The following TMEM108 variants were observed in gnomAD, a reference collection of about 807,000 sequenced individuals.
The protein encoded by TMEM108 is transmembrane protein 108.
In TMEM108, 12 loss-of-function variants were observed where a neutral mutation model predicts 35.1. The ratio of observed to expected loss-of-function variants is 0.34; its 90% CI spans 0.22 to 0.55. The LOEUF (loss-of-function observed/expected upper bound fraction) is 0.55. TMEM108 is among the 20% of genes least tolerant of loss of function. The probability of loss-of-function intolerance (pLI) is 0.89; values close to 1 mark genes in which losing one functional copy is unlikely to be tolerated. For synonymous variants in TMEM108, 287 were observed against 308.6 expected, an observed-to-expected ratio of 0.93 and a Z score of 0.73; for missense variants, 680 against 753.3, an observed-to-expected ratio of 0.90 and a Z score of 1.14.
intron 3 of TMEM108, among the ~76,000 whole-genome samples, chr3:133,356,020 C>G (rs1189907630): frequency 6.6e-6 from 1 of 151,930 alleles, no homozygotes; most frequent in East Asian, 1.9e-4. Context: ...AATTGGAAAA[C>G]AGGAAATCAA....
intron 2 of TMEM108, among the ~76,000 whole-genome samples, chr3:133,157,351 A>G (rs903624095): frequency 1.3e-5 from 2 of 152,236 alleles, no homozygotes; most frequent in African/African-American, 4.8e-5. Flanking sequence ...GGTCAAGACA[A>G]AGTTTCTATG....
At chr3:133,312,186 G>A (rs1383104399) in intron 3 of TMEM108, among the ~76,000 whole-genome samples, 1 of 152,224 alleles carries the variant, frequency 6.6e-6, no homozygotes, top group Non-Finnish European at 1.5e-5. Context: ...CTACACAGGG[G>A]TCAGGGACCT....
At chr3:133,185,330 T>C (rs1452711858) in intron 2 of TMEM108, among the ~76,000 whole-genome samples, 3 of 152,082 alleles carry the variant, frequency 2.0e-5, no homozygotes, top group African/African-American at 7.2e-5. Flanking sequence ...GAAACAATTG[T>C]TTCCCCCATT....
intron 3 of TMEM108, among the ~76,000 whole-genome samples, chr3:133,258,105 T>C (rs1474373671): frequency 2.6e-5 from 4 of 152,104 alleles, no homozygotes; most frequent in Non-Finnish European, 4.4e-5. Context: ...GGGAGGTGAT[T>C]AGGTCATGAG....
intron 2 of TMEM108, among the ~76,000 whole-genome samples, chr3:133,191,546 A>G (rs1945497647): frequency 1.3e-5 from 2 of 152,158 alleles, no homozygotes; most frequent in African/African-American, 4.8e-5. Flanking sequence ...GCTCTGTTTA[A>G]TGTCATCTTC....
At chr3:133,192,986 A>C (rs1452594397) in intron 2 of TMEM108, among the ~76,000 whole-genome samples, 14 of 152,138 alleles carry the variant, frequency 9.2e-5, no homozygotes, top group Admixed American at 9.2e-4. Flanking sequence ...GAAAGGTAGA[A>C]AAATCCATGA....
chr3:133,111,726 A>C lies in TMEM108; in HGVS notation c.-47+65706A>C, dbSNP rs186804940. Among the ~76,000 whole-genome samples, 34 of 152,302 alleles carry C rather than the reference A, an allele frequency of 2.2e-4. No homozygotes were observed. In the East Asian group the frequency reaches 6.0e-3, roughly 27 times the overall value. On this transcript the variant is annotated intron_variant, in intron 2 of 5. Transcript: ENST00000321871. ...CCAACTGTAGTCAACACATACACAAACACATTATTTATCCACCCACAAGGT... is the reference window on the plus strand; with the variant it reads ...CCAACTGTAGTCAACACATACACAACCACATTATTTATCCACCCACAAGGT...
intron 2 of TMEM108, among the ~76,000 whole-genome samples, chr3:133,207,302 A>G (rs183923227): frequency 6.8e-6 from 1 of 147,262 alleles, no homozygotes; most frequent in Admixed American, 6.9e-5. Context: ...CTTGCCTTCC[A>G]TGGGCTGAAC....
chr3:133,233,097 A>G (rs1192786505), intron 3 of TMEM108, among the ~76,000 whole-genome samples: 1 of 150,154 alleles, frequency 6.7e-6, no homozygotes, highest in Non-Finnish European at 1.5e-5. Flanking sequence ...TGTGCAGGTT[A>G]GTTACATATG....
At chr3:133,204,514 T>G (rs1198719654) in intron 2 of TMEM108, among the ~76,000 whole-genome samples, 1 of 152,214 alleles carries the variant, frequency 6.6e-6, no homozygotes, top group Non-Finnish European at 1.5e-5. Flanking sequence ...TTGTTCTCAT[T>G]GGTTTCAAAG....
chr3:133,364,997 G>C (rs1443176668), intron 3 of TMEM108, among the ~76,000 whole-genome samples: 4 of 152,196 alleles, frequency 2.6e-5, no homozygotes, highest in African/African-American at 7.2e-5. Flanking sequence ...AAGCAAGGCA[G>C]CTCTTTTAAG....
chr3:133,218,021 T>A (rs1945934320), intron 2 of TMEM108, among the ~76,000 whole-genome samples: 1 of 152,070 alleles, frequency 6.6e-6, no homozygotes, highest in Admixed American at 6.6e-5. Context: ...AGTATGGACA[T>A]TTTAACATTA....
At chr3:133,251,813 T>G (rs1946476434) in intron 3 of TMEM108, among the ~76,000 whole-genome samples, 1 of 152,148 alleles carries the variant, frequency 6.6e-6, no homozygotes, top group Admixed American at 6.5e-5. Flanking sequence ...GAAATGTGAA[T>G]CTTGGATAGT....
Position 133,149,013 on chromosome 3 carries a change from A to G in TMEM108, c.-46-80253A>G, listed in dbSNP as rs139372484. 3.5e-3 allele frequency among the ~76,000 whole-genome samples: 533 copies of G among 152,180 alleles called. 3 individuals are homozygous for G. The highest frequency in any genetic ancestry group is 0.012 in the African/African-American group (506 of 41,532). ...CCCTGTCTCAAACAAAACAAAACAA[A>G]AACAACAAGAAAACACAAATATTTA... On this transcript the variant is annotated intron_variant, in intron 2 of 5. Transcript: ENST00000321871.
intron 2 of TMEM108, among the ~76,000 whole-genome samples, chr3:133,173,111 T>G (rs553243103): frequency 1.8e-4 from 27 of 152,306 alleles, no homozygotes; most frequent in African/African-American, 6.0e-4. Context: ...TGTAAAAAAG[T>G]TGAGATCCTC....
intron 3 of TMEM108, among the ~76,000 whole-genome samples, chr3:133,351,472 C>T (rs1012181814): frequency 6.6e-6 from 1 of 152,078 alleles, no homozygotes; most frequent in East Asian, 1.9e-4. Context: ...GACTGTGGAA[C>T]ATGAAGCACA....
At chr3:133,121,124 G>A (rs1424004822) in intron 2 of TMEM108, among the ~76,000 whole-genome samples, 2 of 152,206 alleles carry the variant, frequency 1.3e-5, no homozygotes, top group Non-Finnish European at 2.9e-5. Context: ...TTGAACCCAG[G>A]ACTTCTGAAT....
chr3:133,313,623 A>G (rs1241266855), intron 3 of TMEM108, among the ~76,000 whole-genome samples: 1 of 152,160 alleles, frequency 6.6e-6, no homozygotes, highest in East Asian at 1.9e-4. Context: ...TTGATGACAT[A>G]TCCTTCTAGT....
At chr3:133,261,149 C>T (rs140424857) in intron 3 of TMEM108, among the ~76,000 whole-genome samples, 1 of 152,114 alleles carries the variant, frequency 6.6e-6, no homozygotes, top group African/African-American at 2.4e-5. Flanking sequence ...GGAAGTGGTA[C>T]CTGTTTCATT....
Sources: allele counts gnomAD v4.1 joint callset (sites outside exome capture counted in the v4.1 genomes callset), GRCh38; gene constraint gnomAD v4.1.1; transcripts MANE v1.5; gene names NCBI Gene and HGNC (gene_info 2026-07-23, HGNC 2026-07-21).